Variants in KDM4C observed in about 807,000 individuals in gnomAD.
The protein encoded by KDM4C is lysine-specific demethylase 4C.
In KDM4C, 81 loss-of-function variants were observed where a neutral mutation model predicts 129.3. The ratio of observed to expected loss-of-function variants is 0.63; its 90% CI spans 0.52 to 0.75. The LOEUF is 0.75. Among genes scored for constraint, KDM4C ranks in the 30% least tolerant of loss-of-function variants. KDM4C has a pLI of 0.00. For synonymous variants in KDM4C, 573 were observed against 456.1 expected (o/e 1.26, Z -3.26); for missense variants, 1,457 against 1,304.0 (o/e 1.12, Z -1.81).
At chr9:6,755,156 G>C (rs906606396), upstream of KDM4C, among the ~76,000 whole-genome samples, 1 of 152,208 alleles carries the variant, frequency 6.6e-6, no homozygotes, top group Non-Finnish European at 1.5e-5. Flanking sequence ...TGGATCACAA[G>C]GTCAGGAGAT....
At chr9:7,166,338 A>G (rs1379792167) in intron 20 of KDM4C, among the ~76,000 whole-genome samples, 1 of 152,224 alleles carries the variant, frequency 6.6e-6, no homozygotes, top group Non-Finnish European at 1.5e-5. Flanking sequence ...GCACAGTGTA[A>G]TTAAAGGTGT....
At chr9:7,102,309 C>CTTTTTTTTTTTT (rs34614459) in intron 17 of KDM4C, among the ~76,000 whole-genome samples, 2 of 89,986 alleles carry the variant, frequency 2.2e-5, no homozygotes, top group Admixed American at 1.4e-4. Context: ...ATGGTTTTCC[C>CTTTTTTTTTTTT]TTTTTTTTTT....
chr9:7,070,193 T>C (rs1833002635), intron 17 of KDM4C, among the ~76,000 whole-genome samples: 1 of 152,096 alleles, frequency 6.6e-6, no homozygotes, highest in African/African-American at 2.4e-5. Context: ...AAATAAGAAA[T>C]AGTGTTTTAT....
intron 15 of KDM4C, among the ~76,000 whole-genome samples, chr9:7,029,032 T>C (rs538200997): frequency 6.6e-6 from 1 of 152,302 alleles, no homozygotes. Context: ...TTGGTTCTTA[T>C]GAAGGTACTT....
At position 7,122,265 on chromosome 9, in the gene KDM4C, ACT is replaced by A. The variant is rs1554751922; in HGVS notation, c.2611-5782_2611-5781del. ...CACACACACACACACACACACACACACTCTCTCTCTCTCTCTCTCTTAAACAG... is the reference window on the plus strand; with the variant it reads ...CACACACACACACACACACACACACACTCTCTCTCTCTCTCTCTTAAACAG... On this transcript the variant is annotated intron_variant, in intron 18 of 21. Transcript: ENST00000381309. 3.9e-4 allele frequency among the ~76,000 whole-genome samples: 56 copies of A among 144,802 alleles called. 1 individual carries two copies. Among genetic ancestry groups the A allele is most frequent in the South Asian group, 2.2e-4 (1 of 4,540 alleles). The allele number at this position is 144,802 out of a possible 152,430, so 95.0% of individuals were successfully genotyped here. A position where few individuals can be genotyped will look rare whatever the true frequency, so the allele number is the denominator to read the frequency against.
rs551194369 is a variant in KDM4C, at chr9:7,050,874, T to C, written c.2424+1674T>C. On this transcript the variant is annotated intron_variant, in intron 17 of 21. Coordinates refer to ENST00000381309, the MANE Select transcript of KDM4C (RefSeq NM_015061.6). ...ATTCAGGGTGTTATATCTAGAAATA[T>C]CATAATTGCAAGTAAAGATGGTGAA... 9.9e-4 allele frequency among the ~76,000 whole-genome samples: 151 copies of C among 152,292 alleles called. 2 individuals are homozygous for C. Among genetic ancestry groups the C allele is most frequent in the African/African-American group, 3.3e-3 (138 of 41,568 alleles).
chr9:7,076,457 G>A (rs1318466245), intron 17 of KDM4C: 3 of 1,550,652 alleles, frequency 1.9e-6, no homozygotes, highest in African/African-American at 1.4e-5. Flanking sequence ...TCTAGACACA[G>A]CAACAGTAAC....
intron 7 of KDM4C, among the ~76,000 whole-genome samples, chr9:6,891,304 T>A (rs867876407): frequency 6.6e-6 from 1 of 152,216 alleles, no homozygotes; most frequent in Non-Finnish European, 1.5e-5. Flanking sequence ...ATATATTTTA[T>A]GTAATGGAAG....
chr9:6,805,399 G>T (rs2131018272), intron 2 of KDM4C, among the ~76,000 whole-genome samples, 200 bp from the exon 3 acceptor site: 1 of 151,616 alleles, frequency 6.6e-6, no homozygotes, highest in Non-Finnish European at 1.5e-5. Flanking sequence ...CAGTGTTTGG[G>T]ATAGTGAGTA....
intron 1 of KDM4C, among the ~76,000 whole-genome samples, chr9:6,736,358 G>A (rs993706916): frequency 1.3e-5 from 2 of 152,188 alleles, no homozygotes; most frequent in African/African-American, 4.8e-5. Flanking sequence ...GGGAATGTCA[G>A]AGGTATTCAT....
chr9:7,150,460 GA>G (rs1449378433), intron 19 of KDM4C, among the ~76,000 whole-genome samples: 1 of 152,206 alleles, frequency 6.6e-6, no homozygotes, highest in African/African-American at 2.4e-5. Flanking sequence ...TTGTATTGCA[GA>G]TATTCATGTG....
intron 8 of KDM4C, among the ~76,000 whole-genome samples, chr9:6,964,911 G>A (rs370554207): frequency 3.3e-5 from 5 of 151,838 alleles, no homozygotes; most frequent in Admixed American, 2.6e-4. Context: ...CCGAGATCGC[G>A]CCATTGCACT....
intron 15 of KDM4C, among the ~76,000 whole-genome samples, chr9:7,037,363 T>C (rs907510904): frequency 3.9e-5 from 6 of 152,188 alleles, no homozygotes; most frequent in Non-Finnish European, 7.4e-5. Flanking sequence ...CTTTAACTGA[T>C]GTTTTATAGA....
At chr9:6,964,549 A>C (rs1391999582) in intron 8 of KDM4C, among the ~76,000 whole-genome samples, 1 of 152,122 alleles carries the variant, frequency 6.6e-6, no homozygotes, top group Non-Finnish European at 1.5e-5. Context: ...CACAGTAAAC[A>C]TACATGTGCA....
intron 4 of KDM4C, among the ~76,000 whole-genome samples, chr9:6,828,992 C>T (rs1055474093): frequency 6.6e-6 from 1 of 152,152 alleles, no homozygotes; most frequent in Non-Finnish European, 1.5e-5. Flanking sequence ...TGTTTAATAA[C>T]CTGGTAAATT....
intron 12 of KDM4C, among the ~76,000 whole-genome samples, chr9:6,996,689 G>T (rs752237796): frequency 6.6e-6 from 1 of 152,232 alleles, no homozygotes; most frequent in Non-Finnish European, 1.5e-5. Flanking sequence ...CCCACCATGT[G>T]CTAGTGGTGA....
At chr9:6,798,220 A>G (rs1828113821) in intron 2 of KDM4C, among the ~76,000 whole-genome samples, 1 of 149,164 alleles carries the variant, frequency 6.7e-6, no homozygotes, top group East Asian at 2.0e-4. Flanking sequence ...GCTGCAAAAT[A>G]TTTTATAGGC....
At chr9:7,060,385 C>G (rs1220757695) in intron 17 of KDM4C, among the ~76,000 whole-genome samples, 5 of 150,872 alleles carry the variant, frequency 3.3e-5, no homozygotes, top group Admixed American at 2.6e-4. Flanking sequence ...CTCCCTTGAC[C>G]CAGTAGCTCC....
intron 4 of KDM4C, among the ~76,000 whole-genome samples, chr9:6,828,426 T>A (rs1834242608): frequency 6.6e-6 from 1 of 151,896 alleles, no homozygotes; most frequent in African/African-American, 2.4e-5. Flanking sequence ...GGATTACAGG[T>A]GTGAGCCACC....
Sources: gnomAD v4.1 joint callset for allele counts (sites outside exome capture counted in the v4.1 genomes callset) on GRCh38, gnomAD v4.1.1 for gene constraint, MANE v1.5 for transcripts, NCBI Gene and HGNC (gene_info 2026-07-23, HGNC 2026-07-21) for gene names.